Variants in TRIO observed in about 807,000 individuals in gnomAD.
TRIO encodes trio Rho guanine nucleotide exchange factor.
In TRIO, 58 loss-of-function variants were observed where a neutral mutation model predicts 351.9. The observed-to-expected ratio is 0.16, with a 90% CI of 0.13 to 0.21. The LOEUF (loss-of-function observed/expected upper bound fraction) is 0.21, where lower values mean the gene tolerates loss of function less well. TRIO is among the 10% of genes least tolerant of loss of function. The pLI, the probability that TRIO is intolerant of heterozygous loss-of-function variation, is 1.00. For missense variants in TRIO, 3,201 were observed against 4,027.8 expected (o/e 0.79, Z 5.56); for synonymous variants, 1,758 against 1,595.7 (o/e 1.10, Z -2.42).
intron 3 of TRIO, among the ~76,000 whole-genome samples, chr5:14,284,157 T>G (rs1024565973): frequency 1.3e-5 from 2 of 152,188 alleles, no homozygotes; most frequent in Admixed American, 1.3e-4. Context: ...GAGTTTCTCT[T>G]TTTTAGGGAC....
intron 1 of TRIO, among the ~76,000 whole-genome samples, chr5:14,208,381 G>T (rs1471844059): frequency 6.6e-6 from 1 of 152,178 alleles, no homozygotes; most frequent in African/African-American, 2.4e-5. Flanking sequence ...CTCACTGACT[G>T]CATGCTAAGT....
At chr5:14,453,003 A>C (rs1405576280) in intron 34 of TRIO, among the ~76,000 whole-genome samples, 3 of 152,146 alleles carry the variant, frequency 2.0e-5, no homozygotes, top group African/African-American at 7.2e-5. Context: ...GTGTGTTCAC[A>C]TGGTGAAACT....
chr5:14,335,868 G>A (rs1741363110), intron 10 of TRIO, among the ~76,000 whole-genome samples: 1 of 152,170 alleles, frequency 6.6e-6, no homozygotes, highest in South Asian at 2.1e-4. Flanking sequence ...GGAAGGCTAA[G>A]GTGGGAGGAT....
chr5:14,388,818 A>G, intron 24 of TRIO, 139 bp downstream of exon 24: 1 of 1,003,034 alleles, frequency 1.0e-6, no homozygotes, highest in Non-Finnish European at 1.4e-6. Flanking sequence ...AGTATGCTTC[A>G]GCAGCCGGTT....
chr5:14,482,770 C>A lies in TRIO; in HGVS notation c.6654C>A (p.Ile2218=), dbSNP rs201985481. The change falls in exon 46 of 57, where the codon ATC becomes ATA. Residue 2218 remains isoleucine, a synonymous_variant. Coordinates refer to ENST00000344204, the MANE Select transcript of TRIO (RefSeq NM_007118.4). ...CGGGATTCCTGTTTAAGAACAGTATCAAGGTAACGTGTGTCTCTGTGTGAT... is the reference window on the plus strand; with the variant it reads ...CGGGATTCCTGTTTAAGAACAGTATAAAGGTAACGTGTGTCTCTGTGTGAT... ...SMPGFLFKNS[I]KVSCLCLEEN... 1.3e-3 allele frequency: 2,028 copies of A among 1,585,924 alleles called. 50 individuals are homozygous for A. The South Asian group carries it at 0.022, about 17-fold the overall frequency.
chr5:14,416,930 C>T (rs529814189), intron 33 of TRIO, among the ~76,000 whole-genome samples: 5 of 152,318 alleles, frequency 3.3e-5, no homozygotes, highest in Non-Finnish European at 7.4e-5. Context: ...CACGTGCGCT[C>T]AGTGAAGCAG....
chr5:14,508,194 G>A lies in TRIO; in HGVS notation c.9066G>A (p.Lys3022=), dbSNP rs777352995. The A allele has an allele frequency of 1.2e-6, 2 of 1,614,172 alleles. No homozygotes were observed. Among genetic ancestry groups the A allele is most frequent in the Admixed American group, 1.7e-5 (1 of 60,030 alleles). ...PDDYFKGVSQ[K]AKEFVCFLLQ... ...ACTACTTTAAAGGAGTGAGCCAGAA[G>A]GCCAAGGAGTTCGTGTGCTTCCTCC... The change falls in exon 57 of 57, where the codon AAG becomes AAA. Residue 3022 remains lysine, a synonymous_variant. Transcript: ENST00000344204.
chr5:14,185,681 A>C (rs1161652007), intron 1 of TRIO, among the ~76,000 whole-genome samples: 5 of 152,218 alleles, frequency 3.3e-5, no homozygotes, highest in Admixed American at 6.5e-5. Flanking sequence ...AAAAAAGGCT[A>C]AGTTGCTAGG....
intron 1 of TRIO, among the ~76,000 whole-genome samples, chr5:14,189,646 A>T (rs189797146): frequency 2.8e-4 from 43 of 152,248 alleles, no homozygotes; most frequent in African/African-American, 1.0e-3. Context: ...TGTTTCTGCC[A>T]GTCTAAGCCT....
intron 54 of TRIO, among the ~76,000 whole-genome samples, 183 bp from the exon 55 acceptor site, chr5:14,504,210 G>A (rs998323686): frequency 2.0e-5 from 3 of 152,192 alleles, no homozygotes; most frequent in South Asian, 2.1e-4. Flanking sequence ...GCGTGGCTGC[G>A]GGGACAAGGG....
chr5:14,226,856 G>A (rs887420562), intron 1 of TRIO, among the ~76,000 whole-genome samples: 1 of 152,410 alleles, frequency 6.6e-6, no homozygotes, highest in South Asian at 2.1e-4. Context: ...GAAGTCAGAA[G>A]AAGGGGAGGA....
In TRIO at chr5:14,504,407, T is replaced by C. The variant is rs1178662992; in HGVS notation, c.8426T>C (p.Val2809Ala). Reference sequence around the variant, plus strand: ...ATATTTTACAGGGGCAGATTCTCTGTCGTTAAGAAATGTGATCAGAAAGGA... The same window carrying C: ...ATATTTTACAGGGGCAGATTCTCTGCCGTTAAGAAATGTGATCAGAAAGGA... ...VAELGRGRFS[V>A]VKKCDQKGTK... is the part of the protein sequence containing the mutation. The change falls in exon 55 of 57, where the codon GTC (valine) becomes GCC (alanine). Residue 2809 changes from valine (V) to alanine (A), a missense_variant. By Grantham distance (64) the Val-to-Ala change is moderately conservative. This residue lies in a region of TRIO where 1,089 missense variants were observed against 954.9 expected (regional missense o/e 1.14). Coordinates refer to ENST00000344204, the MANE Select transcript of TRIO (RefSeq NM_007118.4). The C allele has an allele frequency of 6.2e-7, 1 of 1,613,952 alleles. No individual in the cohort carries two copies. Among genetic ancestry groups the C allele is most frequent in the East Asian group, 2.2e-5 (1 of 44,886 alleles).
chr5:14,291,636 A>G (rs1736912348), intron 5 of TRIO, among the ~76,000 whole-genome samples: 1 of 151,784 alleles, frequency 6.6e-6, no homozygotes, highest in African/African-American at 2.4e-5. Context: ...TAAAAATACG[A>G]AAATTAGCCG....
At chr5:14,218,735 T>A (rs1792383905) in intron 1 of TRIO, among the ~76,000 whole-genome samples, 1 of 152,234 alleles carries the variant, frequency 6.6e-6, no homozygotes, top group Non-Finnish European at 1.5e-5. Flanking sequence ...CAGCCAGGGC[T>A]ATACCCGGCT....
In TRIO at chr5:14,498,640, G is replaced by A; in HGVS notation, c.8332G>A (p.Gly2778Ser). The change falls in exon 53 of 57, where the codon GGT becomes AGT. Residue 2778 changes from glycine (G) to serine (S), a missense_variant and splice_region_variant. Gly to Ser is a moderately conservative substitution (Grantham distance 56). Coordinates refer to ENST00000344204, the MANE Select transcript of TRIO (RefSeq NM_007118.4). ...ATCGTCGGCCAGCCTGAGGGTCCTA[G>A]GTAAGCACCGTGCAACGAGGATTCT... Reference protein sequence around the residue: ...ASSSASLRVLGPGMDGIMVTW... With the variant: ...ASSSASLRVLSPGMDGIMVTW... 6.2e-7 allele frequency: 1 copy of A among 1,612,946 alleles called. No individual in the cohort carries two copies. The highest frequency in any genetic ancestry group is 1.1e-5 in the South Asian group (1 of 91,072).
At chr5:14,347,025 T>G (rs1429655156) in intron 11 of TRIO, among the ~76,000 whole-genome samples, 3 of 151,348 alleles carry the variant, frequency 2.0e-5, no homozygotes, top group African/African-American at 7.4e-5. Flanking sequence ...GCTGGACCAG[T>G]CATCTCAGGT....
chr5:14,239,497 G>T (rs11133784), intron 1 of TRIO, among the ~76,000 whole-genome samples: 70,718 of 151,868 alleles, frequency 0.47, 16,735 homozygotes, highest in East Asian at 0.53. Flanking sequence ...GAGGTGTCGT[G>T]CACGTAATGA....
At chr5:14,232,239 G>A (rs932325804) in intron 1 of TRIO, among the ~76,000 whole-genome samples, 1 of 152,164 alleles carries the variant, frequency 6.6e-6, no homozygotes, top group African/African-American at 2.4e-5. Flanking sequence ...TCCCGGTTCC[G>A]TGAGTGAGGC....
chr5:14,203,690 C>T (rs778770184), intron 1 of TRIO, among the ~76,000 whole-genome samples: 3 of 152,220 alleles, frequency 2.0e-5, no homozygotes, highest in South Asian at 2.1e-4. Flanking sequence ...GAGCCCTTGA[C>T]GGGCATCTGT....
Sources: allele counts gnomAD v4.1 joint callset (sites outside exome capture counted in the v4.1 genomes callset), GRCh38; gene constraint gnomAD v4.1.1; regional missense constraint gnomAD v4.1.1; transcripts MANE v1.5; gene names NCBI Gene and HGNC (gene_info 2026-07-23, HGNC 2026-07-21).